Variants in C1orf141 observed in about 807,000 individuals in gnomAD.
The protein encoded by C1orf141 is chromosome 1 open reading frame 141, also known as uncharacterized protein C1orf141.
C1orf141 carries 19 observed loss-of-function variants against 23.2 expected under a neutral mutation model. That is an observed-to-expected ratio of 0.82 (90% confidence interval 0.57 to 1.20). The LOEUF (loss-of-function observed/expected upper bound fraction) is 1.20. Among genes scored for constraint, C1orf141 ranks in the 50% most tolerant of loss-of-function variants. The pLI is 0.00. For missense variants in C1orf141, 469 were observed against 455.1 expected, an observed-to-expected ratio of 1.03 and a Z score of -0.28; for synonymous variants, 153 against 154.6, an observed-to-expected ratio of 0.99 and a Z score of 0.08.
intron 5 of C1orf141, among the ~76,000 whole-genome samples, chr1:67,098,515 G>A (rs1645734842): frequency 2.0e-5 from 3 of 151,786 alleles, no homozygotes; most frequent in African/African-American, 7.3e-5. Context: ...GTGAGACTCA[G>A]TTTCAAAAAA....
chr1:67,093,952 C>T (rs1645612580), intron 7 of C1orf141: 2 of 156,118 alleles, frequency 1.3e-5, no homozygotes, highest in Non-Finnish European at 2.8e-5. Context: ...CTTAGGTTTC[C>T]ATGTTCTAGA....
intron 4 of C1orf141, among the ~76,000 whole-genome samples, chr1:67,117,244 G>A (rs774763551): frequency 4.1e-4 from 63 of 152,230 alleles, no homozygotes; most frequent in Admixed American, 1.0e-3. Flanking sequence ...CCAACATGGC[G>A]AAACCCCATC....
intron 4 of C1orf141, among the ~76,000 whole-genome samples, chr1:67,117,050 A>C (rs1210363640): frequency 6.6e-6 from 1 of 152,154 alleles, no homozygotes; most frequent in African/African-American, 2.4e-5. Context: ...CTGAGGGCAC[A>C]CTATTTATGT....
Position 67,100,984 on chromosome 1 carries a change from T to C in C1orf141, c.347-4663A>G, listed in dbSNP as rs1645784660. ...TGGTGGTGGCGGTGAGTACTCTGTT[T>C]ATGTGTGAGGTGTCACTTGGGTTTC... On this transcript the variant is annotated intron_variant, in intron 5 of 7. Transcript: ENST00000684719. 2.7e-5 allele frequency among the ~76,000 whole-genome samples: 4 copies of C among 146,108 alleles called. No homozygotes were observed. The South Asian group carries it at 9.2e-4, about 34-fold the overall frequency.
In C1orf141 at chr1:67,123,285, T is replaced by C. The variant is rs972039583; in HGVS notation, c.233+2467A>G. On this transcript the variant is annotated intron_variant, in intron 4 of 7. Coordinates refer to ENST00000684719, the MANE Select transcript of C1orf141 (RefSeq NM_001276351.2). ...AAAGTTTGGTGAACATACTGGGAGA[T>C]TGACAGCTTTTCTTTTTTTTAGTCC... The C allele has an allele frequency of 3.9e-5, 6 of 152,126 alleles. 1 individual carries two copies. The South Asian group carries it at 8.3e-4, about 21-fold the overall frequency. The allele number at this position is 152,126 out of a possible 1,614,324, so 9.4% of individuals were successfully genotyped here.
intron 2 of C1orf141, among the ~76,000 whole-genome samples, chr1:67,128,994 A>T (rs1646470138): frequency 6.6e-6 from 1 of 152,100 alleles, no homozygotes; most frequent in East Asian, 1.9e-4. Context: ...ATTATTTTGT[A>T]ATTGGTTTCC....
rs1365411992 is a variant in C1orf141, at chr1:67,125,863, G to A, written c.122C>T (p.Pro41Leu). The change falls in exon 4 of 8, where the codon CCC becomes CTC. Residue 41 changes from proline to leucine, a missense_variant. By Grantham distance (98) the Pro-to-Leu change is moderately conservative. Transcript: ENST00000684719. ...SEGRKTTMAI[P>L]LTFDFQLEFE... ...TTCCAACTGAAAATCAAATGTCAGG[G>A]GTATAGCCATAGTTGTTTTTCTTCC... 22 of 1,613,268 alleles carry A rather than the reference G, an allele frequency of 1.4e-5. No homozygotes were observed. Among genetic ancestry groups the A allele is most frequent in the Non-Finnish European group, 1.6e-5 (19 of 1,179,702 alleles).
chr1:67,118,292 G>A (rs57866473), intron 4 of C1orf141, among the ~76,000 whole-genome samples: 14,919 of 152,066 alleles, frequency 0.098, 1,154 homozygotes, highest in African/African-American at 0.21. Flanking sequence ...AAAACTGGTG[G>A]GGGAAAAAAG....
rs535270798 is a variant in C1orf141 at position 67,093,540 on chromosome 1, G to A, written c.668C>T (p.Thr223Ile). 22 of 1,604,144 alleles carry A rather than the reference G, an allele frequency of 1.4e-5. No individual in the cohort carries two copies. In the South Asian group the frequency reaches 2.0e-4, roughly 15 times the overall value. The stretch of plus-strand genomic sequence containing the variant: ...AGGATGAGAAGAAAATCTATTTTTT[G>A]TCAAAAGTAACATTCGTACATATTC... ...DTEYVRMLLLTKNRFSSHPLE... is the reference protein window; with the variant it reads ...DTEYVRMLLLIKNRFSSHPLE... The change falls in exon 8 of 8, where the codon ACA (threonine) becomes ATA (isoleucine). Residue 223 changes from threonine to isoleucine, a missense_variant. This residue lies in a region of C1orf141 where 370 missense variants were observed against 348.1 expected (regional missense o/e 1.06). Coordinates refer to ENST00000684719, the MANE Select transcript of C1orf141 (RefSeq NM_001276351.2).
intron 5 of C1orf141, among the ~76,000 whole-genome samples, chr1:67,098,415 G>T (rs1373961713): frequency 6.6e-6 from 1 of 152,142 alleles, no homozygotes; most frequent in African/African-American, 2.4e-5. Flanking sequence ...TCAGCTACTT[G>T]GGAGACTAAG....
At chr1:67,109,740 G>A (rs1646025132) in intron 5 of C1orf141, among the ~76,000 whole-genome samples, 1 of 152,076 alleles carries the variant, frequency 6.6e-6, no homozygotes, top group South Asian at 2.1e-4. Flanking sequence ...TGTTGAGGAT[G>A]TAATTTTTCT....
chr1:67,105,395 G>C (rs1570691961), intron 5 of C1orf141, among the ~76,000 whole-genome samples: 1 of 149,888 alleles, frequency 6.7e-6, no homozygotes. Flanking sequence ...AAAAGTAACA[G>C]CCAACATCAT....
chr1:67,107,115 C>A (rs941119548), intron 5 of C1orf141, among the ~76,000 whole-genome samples: 4 of 152,120 alleles, frequency 2.6e-5, no homozygotes, highest in African/African-American at 4.8e-5. Flanking sequence ...TGGAACTATA[C>A]AATTTAAAGA....
At chr1:67,112,859 A>C (rs188504505) in intron 5 of C1orf141, among the ~76,000 whole-genome samples, 4 of 152,342 alleles carry the variant, frequency 2.6e-5, no homozygotes, top group Non-Finnish European at 1.5e-5. Flanking sequence ...ACATTAACCA[A>C]AATATGCAAA....
chr1:67,123,313 CAACA>C (rs1646338061), intron 4 of C1orf141: 1 of 151,734 alleles, frequency 6.6e-6, no homozygotes, highest in African/African-American at 2.4e-5. Flanking sequence ...TTTAGTCCTC[CAACA>C]AATGCATACT....
intron 4 of C1orf141, among the ~76,000 whole-genome samples, chr1:67,121,319 T>G (rs1278874521): frequency 6.6e-6 from 1 of 152,238 alleles, no homozygotes; most frequent in Non-Finnish European, 1.5e-5. Context: ...ATACTTTTTT[T>G]GGTAAGACTT....
chr1:67,124,550 C>T (rs771316037), intron 4 of C1orf141, among the ~76,000 whole-genome samples: 5 of 152,124 alleles, frequency 3.3e-5, no homozygotes. Flanking sequence ...AACTCCTGAC[C>T]TCAGGCAATT....
At chr1:67,104,187 TGAG>T (rs1645869166) in intron 5 of C1orf141, among the ~76,000 whole-genome samples, 2 of 151,666 alleles carry the variant, frequency 1.3e-5, no homozygotes, top group South Asian at 4.2e-4. Flanking sequence ...AATCTACAAA[TGAG>T]GAAGAGTTTA....
At chr1:67,099,615 A>G (rs540947678) in intron 5 of C1orf141, among the ~76,000 whole-genome samples, 2 of 152,158 alleles carry the variant, frequency 1.3e-5, no homozygotes, top group Non-Finnish European at 2.9e-5. Flanking sequence ...CCCCATCTCT[A>G]CTAAAAATAC....
Sources: allele counts gnomAD v4.1 joint callset (sites outside exome capture counted in the v4.1 genomes callset), GRCh38; gene constraint gnomAD v4.1.1; regional missense constraint gnomAD v4.1.1; transcripts MANE v1.5; gene names NCBI Gene and HGNC (gene_info 2026-07-23, HGNC 2026-07-21).